Variants in GRM4 observed in about 807,000 individuals in gnomAD.
GRM4 encodes the protein metabotropic glutamate receptor 4.
GRM4 carries 28 observed loss-of-function variants against 81.7 expected under a neutral mutation model. The observed-to-expected ratio is 0.34, with a 90% CI of 0.25 to 0.47. GRM4 has a LOEUF of 0.47. GRM4 is among the 20% of genes least tolerant of loss of function. The pLI is 1.00. For synonymous variants in GRM4, 488 were observed against 528.8 expected (o/e 0.92, Z 1.06); for missense variants, 948 against 1,290.0 (o/e 0.73, Z 4.06).
intron 1 of GRM4, among the ~76,000 whole-genome samples, chr6:34,143,717 T>G (rs1476275169): frequency 6.6e-6 from 1 of 151,806 alleles, no homozygotes; most frequent in East Asian, 1.9e-4. Flanking sequence ...GGCAGATGGG[T>G]ATGAGAGCAT....
chr6:34,143,260 G>A (rs942810945), intron 1 of GRM4, among the ~76,000 whole-genome samples: 5 of 152,186 alleles, frequency 3.3e-5, no homozygotes, highest in African/African-American at 9.7e-5. Flanking sequence ...CCAGCCCAGT[G>A]CTGAGCAGAG....
chr6:34,146,269 C>T (rs1770928571), upstream of GRM4: 2 of 367,288 alleles, frequency 5.4e-6, no homozygotes, highest in African/African-American at 4.4e-5. Flanking sequence ...TCCACTTGCC[C>T]CAGATCTCAC....
chr6:34,050,882 A>C (rs1765581323), intron 6 of GRM4, among the ~76,000 whole-genome samples: 1 of 152,202 alleles, frequency 6.6e-6, no homozygotes, highest in Admixed American at 6.5e-5. Flanking sequence ...CCCCTCACTG[A>C]GCCCAACACA....
At position 34,068,845 on chromosome 6, in the gene GRM4, T is replaced by C. The variant is rs1766627299; in HGVS notation, c.737-6817A>G. 6.6e-6 allele frequency among the ~76,000 whole-genome samples: 1 copy of C among 151,994 alleles called. No homozygotes were observed. Among genetic ancestry groups the C allele is most frequent in the Non-Finnish European group, 1.5e-5 (1 of 67,972 alleles). On this transcript the variant is annotated intron_variant, in intron 3 of 10. Transcript: ENST00000538487. This position sits in a 1 kb window ranked among gnomAD's most constrained non-coding sequence, Gnocchi z 4.2. ...CCTGAGCCAGCTCGCTCTGGTGGTCTCCAGGCCCGGCCTCTCGGGGCCCAG... is the reference window on the plus strand; with the variant it reads ...CCTGAGCCAGCTCGCTCTGGTGGTCCCCAGGCCCGGCCTCTCGGGGCCCAG...
rs368715631 is a variant in GRM4, at chr6:34,091,864, G to A, written c.736+19C>T. 30 of 1,564,112 alleles carry A rather than the reference G, an allele frequency of 1.9e-5. No homozygotes were observed. The highest frequency in any genetic ancestry group is 1.4e-4 in the African/African-American group (10 of 73,990). ...ACCCCCGAGCCTGGCATGACTCTGC[G>A]GCCAGGCGTTTGACTCACCGTCCTC... On this transcript the variant is annotated intron_variant, in intron 3 of 10. Transcript: ENST00000538487.
chr6:34,095,230 GGT>G (rs1768457862), intron 2 of GRM4, among the ~76,000 whole-genome samples: 1 of 152,156 alleles, frequency 6.6e-6, no homozygotes, highest in South Asian at 2.1e-4. Flanking sequence ...TTGAGATGCG[GGT>G]GAGGGAATCA....
chr6:34,067,468 C>T (rs1766538151), intron 3 of GRM4, among the ~76,000 whole-genome samples: 1 of 126,600 alleles, frequency 7.9e-6, no homozygotes, highest in African/African-American at 3.2e-5. Flanking sequence ...CTCCGTCCTT[C>T]CCTCCCTCCC....
chr6:34,129,962 C>T (rs996081154), intron 2 of GRM4, among the ~76,000 whole-genome samples: 1 of 152,166 alleles, frequency 6.6e-6, no homozygotes, highest in Non-Finnish European at 1.5e-5. Flanking sequence ...GCCTCTGGTG[C>T]CAAGTTCCCA....
Position 34,059,464 on chromosome 6 carries a change from C to T in GRM4, c.873-336G>A. 8.3e-6 allele frequency: 3 copies of T among 363,270 alleles called. No individual in the cohort carries two copies. Among genetic ancestry groups the T allele is most frequent in the Non-Finnish European group, 1.0e-5 (2 of 192,728 alleles). The allele number at this position is 363,270 out of a possible 1,614,324, so 22.5% of individuals were successfully genotyped here. On this transcript the variant is annotated intron_variant, in intron 4 of 10. Transcript: ENST00000538487. The surrounding 1 kb of genome is among the most constrained non-coding windows in gnomAD (Gnocchi z 5.7). ...CCCGCCCCACGTCTGACTCAGGCCC[C>T]ACAACCACCTCTGCCCAGCCCCGGT...
chr6:34,086,012 T>C (rs914828001), intron 3 of GRM4, among the ~76,000 whole-genome samples: 1 of 152,170 alleles, frequency 6.6e-6, no homozygotes, highest in Non-Finnish European at 1.5e-5. Flanking sequence ...AGCTGCAAGA[T>C]AGCTGCTGTG....
Position 34,059,458 on chromosome 6 carries a change from A to C in GRM4, c.873-330T>G. ...TCCACACCCGCCCCACGTCTGACTC[A>C]GGCCCCACAACCACCTCTGCCCAGC... is the stretch of plus-strand genomic sequence containing the variant. On this transcript the variant is annotated intron_variant, in intron 4 of 10. Coordinates refer to ENST00000538487, the MANE Select transcript of GRM4 (RefSeq NM_000841.4). The surrounding 1 kb of genome is among the most constrained non-coding windows in gnomAD (Gnocchi z 5.7). 2.7e-6 allele frequency: 1 copy of C among 366,102 alleles called. No individual in the cohort carries two copies. Among genetic ancestry groups the C allele is most frequent in the Non-Finnish European group, 5.1e-6 (1 of 194,498 alleles). The allele number at this position is 366,102 out of a possible 1,614,324, so 22.7% of individuals were successfully genotyped here. A position where few individuals can be genotyped will look rare whatever the true frequency, so the allele number is the denominator to read the frequency against.
At chr6:34,053,007 A>G (rs573443043) in intron 6 of GRM4, among the ~76,000 whole-genome samples, 2 of 152,332 alleles carry the variant, frequency 1.3e-5, no homozygotes, top group East Asian at 1.9e-4. Flanking sequence ...AGATTACCCA[A>G]TTGCCTGTCT....
chr6:34,047,630 G>A lies in GRM4; in HGVS notation c.1169-6882C>T, dbSNP rs1018927224. Among the ~76,000 whole-genome samples the A allele has an allele frequency of 1.3e-5, 2 of 152,102 alleles. No homozygotes were observed. Among genetic ancestry groups the A allele is most frequent in the Non-Finnish European group, 2.9e-5 (2 of 68,032 alleles). ...GGGAATTTCTAACCCACTTGGCTGG[G>A]TCTCCTCCATCCCTAGCTCTGTCCC... On this transcript the variant is annotated intron_variant, in intron 6 of 10. Coordinates refer to ENST00000538487, the MANE Select transcript of GRM4 (RefSeq NM_000841.4). The surrounding 1 kb of genome is among the most constrained non-coding windows in gnomAD (Gnocchi z 4.5).
intron 1 of GRM4, among the ~76,000 whole-genome samples, chr6:34,153,764 TA>T (rs1368940662): frequency 7.2e-5 from 11 of 152,166 alleles, no homozygotes; most frequent in Middle Eastern, 3.4e-3. Context: ...CCGTTTCTAC[TA>T]AAAATACAAA....
chr6:34,123,076 G>A (rs566310525), intron 2 of GRM4, among the ~76,000 whole-genome samples: 70 of 152,318 alleles, frequency 4.6e-4, no homozygotes, highest in Admixed American at 9.1e-4. Context: ...CTCAGTTACA[G>A]AGAGGGCGGC....
At chr6:34,102,332 T>C (rs1014812973) in intron 2 of GRM4, among the ~76,000 whole-genome samples, 1 of 152,192 alleles carries the variant, frequency 6.6e-6, no homozygotes, top group African/African-American at 2.4e-5. Flanking sequence ...TCAACACCTC[T>C]GATCTCATCT....
chr6:34,107,036 T>C (rs375296573), intron 2 of GRM4, among the ~76,000 whole-genome samples: 43 of 152,352 alleles, frequency 2.8e-4, no homozygotes, highest in Admixed American at 4.6e-4. Context: ...GGCTGGAGGC[T>C]GGCCCCTCCC....
intron 2 of GRM4, chr6:34,103,457 GGCCGCAGATAAGAGC>G (rs1768946978): frequency 1.4e-6 from 1 of 731,020 alleles, no homozygotes; most frequent in Non-Finnish European, 2.3e-6. Flanking sequence ...TCAGAGGCAG[GGCCGCAGATAAGAGC>G]GCCCGAGAGA....
chr6:34,056,632 G>A lies in GRM4; in HGVS notation c.1080C>T (p.Ile360=), dbSNP rs370587006. 2 of 1,613,910 alleles carry A rather than the reference G, an allele frequency of 1.2e-6. No individual in the cohort carries two copies. Among genetic ancestry groups the A allele is most frequent in the East Asian group, 4.5e-5 (2 of 44,876 alleles). The part of the protein sequence containing the change: ...SRTLDNNRRN[I]WFAEFWEDNF... ...TGTCCTCCCAGAACTCGGCAAACCA[G>A]ATGTTGCGCCGGTTGTTGTCCAGCG... The change falls in exon 6 of 11, where the codon ATC becomes ATT. Residue 360 remains isoleucine (I), a synonymous_variant. Coordinates refer to ENST00000538487, the MANE Select transcript of GRM4 (RefSeq NM_000841.4).
Sources: gnomAD v4.1 joint callset for allele counts (sites outside exome capture counted in the v4.1 genomes callset) on GRCh38, gnomAD v4.1.1 for gene constraint, Gnocchi (gnomAD v3.1) non-coding constraint, MANE v1.5 for transcripts, NCBI Gene and HGNC (gene_info 2026-07-23, HGNC 2026-07-21) for gene names.